The following FARS2 variants were observed in gnomAD, a reference collection of about 807,000 sequenced individuals.
The protein encoded by FARS2 is phenylalanine--tRNA ligase, mitochondrial.
FARS2 carries 40 observed loss-of-function variants against 46.4 expected under a neutral mutation model. The ratio of observed to expected loss-of-function variants is 0.86; its 90% CI spans 0.67 to 1.12. The LOEUF (loss-of-function observed/expected upper bound fraction) is 1.12, where lower values mean the gene tolerates loss of function less well. FARS2 is among the 50% of genes most tolerant of loss of function. The pLI is 0.00. For synonymous variants in FARS2, 234 were observed against 214.9 expected (o/e 1.09, Z -0.78); for missense variants, 513 against 567.9 (o/e 0.90, Z 0.98).
At chr6:5,276,947 C>G (rs905318237) in intron 1 of FARS2, among the ~76,000 whole-genome samples, 1 of 152,208 alleles carries the variant, frequency 6.6e-6, no homozygotes. Flanking sequence ...GTGAAATCCA[C>G]CTATTCCTCC....
chr6:5,422,380 T>C (rs528264078), intron 3 of FARS2, among the ~76,000 whole-genome samples: 174 of 145,224 alleles, frequency 1.2e-3, no homozygotes, highest in Non-Finnish European at 2.0e-3. Context: ...CTCTCTCTCT[T>C]TTTTTTTTAA....
chr6:5,432,410 T>TAA (rs1763260111), intron 4 of FARS2, among the ~76,000 whole-genome samples: 1 of 127,182 alleles, frequency 7.9e-6, no homozygotes, highest in Non-Finnish European at 1.6e-5. Flanking sequence ...TTATGTATTA[T>TAA]ATATAATATA....
At position 5,324,703 on chromosome 6, in the gene FARS2, A is replaced by C. The variant is rs557817722; in HGVS notation, c.-21-43847A>C. On this transcript the variant is annotated intron_variant, in intron 1 of 6. Coordinates refer to ENST00000274680, the MANE Select transcript of FARS2 (RefSeq NM_006567.5). ...CAATAAACTGTGTTTGAAAAAACTC[A>C]GCTGTTTACTACCACAACTTGATGA... Among the ~76,000 whole-genome samples, 7 of 152,270 alleles carry C rather than the reference A, an allele frequency of 4.6e-5. No individual in the cohort carries two copies. The South Asian group carries it at 1.5e-3, about 32-fold the overall frequency.
At chr6:5,331,206 T>A (rs2127578870) in intron 1 of FARS2, among the ~76,000 whole-genome samples, 1 of 152,294 alleles carries the variant, frequency 6.6e-6, no homozygotes, top group African/African-American at 2.4e-5. Context: ...TTTAACAGAT[T>A]TAATTTTCTC....
chr6:5,676,124 A>G (rs1778753759), intron 6 of FARS2, among the ~76,000 whole-genome samples: 1 of 152,248 alleles, frequency 6.6e-6, no homozygotes, highest in African/African-American at 2.4e-5. Flanking sequence ...AGTTTGTGAC[A>G]GAAAGGCTTA....
At chr6:5,695,022 A>C (rs549921668) in intron 6 of FARS2, 2 of 152,182 alleles carry the variant, frequency 1.3e-5, no homozygotes, top group East Asian at 3.9e-4. Flanking sequence ...AAAGAAAAAA[A>C]CAGATATATA....
At chr6:5,377,776 C>G (rs12525845) in intron 2 of FARS2, among the ~76,000 whole-genome samples, 44,864 of 151,912 alleles carry the variant, frequency 0.3, 7,347 homozygotes, top group South Asian at 0.38. Flanking sequence ...GGATGATTTC[C>G]TTGCCACTTT....
intron 1 of FARS2, among the ~76,000 whole-genome samples, chr6:5,300,850 T>TA (rs201380796): frequency 2.6e-5 from 4 of 151,978 alleles, no homozygotes; most frequent in South Asian, 2.1e-4. Flanking sequence ...TTTTTTTATT[T>TA]AAAAAATTTT....
At chr6:5,495,547 G>T (rs1216970361) in intron 4 of FARS2, among the ~76,000 whole-genome samples, 2 of 152,232 alleles carry the variant, frequency 1.3e-5, no homozygotes, top group African/African-American at 4.8e-5. Context: ...AGAATCTGGA[G>T]CTAGGAAGGG....
chr6:5,460,512 C>T (rs554294645), intron 4 of FARS2, among the ~76,000 whole-genome samples: 33 of 152,278 alleles, frequency 2.2e-4, no homozygotes, highest in African/African-American at 6.5e-4. Flanking sequence ...CAGCAATGCT[C>T]CAGAACCACA....
At chr6:5,358,252 A>C (rs1758062371) in intron 1 of FARS2, among the ~76,000 whole-genome samples, 1 of 151,984 alleles carries the variant, frequency 6.6e-6, no homozygotes, top group African/African-American at 2.4e-5. Context: ...GTGGGGGAAA[A>C]CTTGATTCTT....
At chr6:5,684,708 A>G (rs1229798402) in intron 6 of FARS2, among the ~76,000 whole-genome samples, 1 of 152,250 alleles carries the variant, frequency 6.6e-6, no homozygotes, top group Non-Finnish European at 1.5e-5. Flanking sequence ...TAAAGGAGAC[A>G]TCTTACACAT....
intron 2 of FARS2, among the ~76,000 whole-genome samples, chr6:5,400,480 CAG>C (rs1761190775): frequency 1.3e-5 from 2 of 151,726 alleles, no homozygotes; most frequent in South Asian, 4.2e-4. Flanking sequence ...GTATTTTAAT[CAG>C]AGAGTATAGT....
At chr6:5,277,566 ATTTG>A (rs1258274133) in intron 1 of FARS2, among the ~76,000 whole-genome samples, 2 of 152,176 alleles carry the variant, frequency 1.3e-5, no homozygotes, top group Non-Finnish European at 2.9e-5. Flanking sequence ...TACTCGATAC[ATTTG>A]TTTGTAAAGA....
chr6:5,647,203 A>G (rs1426048155), intron 6 of FARS2, among the ~76,000 whole-genome samples: 1 of 152,200 alleles, frequency 6.6e-6, no homozygotes, highest in African/African-American at 2.4e-5. Flanking sequence ...GTCTGATTCT[A>G]GGCCTATCTG....
chr6:5,292,380 G>T (rs910120397), intron 1 of FARS2, among the ~76,000 whole-genome samples: 1 of 152,322 alleles, frequency 6.6e-6, no homozygotes, highest in South Asian at 2.1e-4. Flanking sequence ...CTACGTTTGT[G>T]TTGTACTTCT....
intron 1 of FARS2, among the ~76,000 whole-genome samples, chr6:5,355,612 C>A (rs1483465379): frequency 4.6e-5 from 7 of 151,990 alleles, no homozygotes; most frequent in African/African-American, 1.5e-4. Flanking sequence ...ACGCCTCGGC[C>A]TCCCAAAGTG....
At chr6:5,266,169 A>T (rs1004700745) in intron 1 of FARS2, among the ~76,000 whole-genome samples, 1 of 152,208 alleles carries the variant, frequency 6.6e-6, no homozygotes, top group African/African-American at 2.4e-5. Context: ...AGAAACCCTG[A>T]TTGAGGTCTA....
At chr6:5,698,756 G>A (rs1245234191) in intron 6 of FARS2, among the ~76,000 whole-genome samples, 2 of 152,182 alleles carry the variant, frequency 1.3e-5, no homozygotes, top group East Asian at 1.9e-4. Context: ...GCCCAGGCTT[G>A]TGTTGCAGTA....
Sources: gnomAD v4.1 joint callset for allele counts (sites outside exome capture counted in the v4.1 genomes callset) on GRCh38, gnomAD v4.1.1 for gene constraint, MANE v1.5 for transcripts, NCBI Gene and HGNC (gene_info 2026-07-23, HGNC 2026-07-21) for gene names.